GTF2IRD1: variants seen among roughly 807,000 people sequenced by gnomAD.
GTF2IRD1 encodes the protein GTF2I repeat domain containing 1.
In GTF2IRD1, 26 loss-of-function variants were observed where a neutral mutation model predicts 113.2. The observed-to-expected ratio is 0.23, with a 90% confidence interval of 0.17 to 0.32. The LOEUF (loss-of-function observed/expected upper bound fraction) is 0.32. Ranked by LOEUF, GTF2IRD1 falls within the 10% of genes least tolerant of loss-of-function variation. The pLI is 1.00. For missense variants in GTF2IRD1, 864 were observed against 1,280.8 expected (o/e 0.67, Z 4.97); for synonymous variants, 484 against 529.1 (o/e 0.91, Z 1.17).
chr7:74,467,172 C>G (rs1793775147), intron 1 of GTF2IRD1, among the ~76,000 whole-genome samples: 4 of 152,112 alleles, frequency 2.6e-5, no homozygotes, highest in Admixed American at 2.6e-4. Flanking sequence ...TGGTCTCAAA[C>G]TCCTGACCTC....
At chr7:74,550,769 C>T (rs1478027556) in intron 17 of GTF2IRD1, among the ~76,000 whole-genome samples, 4 of 152,050 alleles carry the variant, frequency 2.6e-5, no homozygotes, top group Non-Finnish European at 5.9e-5. Flanking sequence ...ATTCTCACAC[C>T]TGTAATCCCA....
At chr7:74,506,704 C>A in intron 1 of GTF2IRD1, 1 of 152,194 alleles carries the variant, frequency 6.6e-6, no homozygotes, top group Non-Finnish European at 1.5e-5. Flanking sequence ...CCTGTGGGTG[C>A]CCCCTGGGTC....
chr7:74,510,370 G>A (rs112863832), intron 2 of GTF2IRD1, among the ~76,000 whole-genome samples: 10,058 of 150,194 alleles, frequency 0.067, 1,065 homozygotes, highest in African/African-American at 0.23. Context: ...GCAATGGCGC[G>A]ATCTTGGCTC....
At chr7:74,599,049 C>T (rs1306198572) in intron 25 of GTF2IRD1, among the ~76,000 whole-genome samples, 1 of 152,150 alleles carries the variant, frequency 6.6e-6, no homozygotes, top group Non-Finnish European at 1.5e-5. Context: ...AATCCCAGCA[C>T]TTTGGGAGGC....
At chr7:74,599,452 C>T (rs115318278) in intron 25 of GTF2IRD1, among the ~76,000 whole-genome samples, 1,559 of 152,192 alleles carry the variant, frequency 0.01, 25 homozygotes, top group African/African-American at 0.036. Flanking sequence ...TTTATGCATG[C>T]GGTGTTTTTT....
intron 17 of GTF2IRD1, among the ~76,000 whole-genome samples, chr7:74,552,000 G>T (rs587665860): frequency 1.3e-5 from 2 of 152,256 alleles, no homozygotes; most frequent in East Asian, 1.9e-4. Flanking sequence ...AGTCCCTGAG[G>T]CAACAACGTG....
intron 17 of GTF2IRD1, among the ~76,000 whole-genome samples, chr7:74,548,091 A>G (rs1209325746): frequency 1.3e-5 from 2 of 152,120 alleles, no homozygotes; most frequent in Non-Finnish European, 2.9e-5. Context: ...GACAGCACCC[A>G]TGGACATACC....
intron 22 of GTF2IRD1, among the ~76,000 whole-genome samples, chr7:74,576,662 T>G (rs1801092483): frequency 8.5e-6 from 1 of 117,750 alleles, no homozygotes; most frequent in Non-Finnish European, 1.7e-5. Context: ...GACAGAGTCT[T>G]CAGGCTGGAG....
rs570156256 is a variant in GTF2IRD1 at position 74,509,041 on chromosome 7, A to T, written c.123+838A>T. Among the ~76,000 whole-genome samples the T allele has an allele frequency of 2.0e-5, 3 of 152,072 alleles. No individual in the cohort carries two copies. The East Asian group carries it at 5.8e-4, about 29-fold the overall frequency. ...TTCCTCTAGCCTTTTCCTGGGGGGAAGTTCTGTGATGGAAGTGTTAAAAAA... is the reference window on the plus strand; with the variant it reads ...TTCCTCTAGCCTTTTCCTGGGGGGATGTTCTGTGATGGAAGTGTTAAAAAA... On this transcript the variant is annotated intron_variant, in intron 2 of 26. Coordinates refer to ENST00000424337, the MANE Select transcript of GTF2IRD1 (RefSeq NM_005685.4).
chr7:74,572,434 CT>C (rs879950420), intron 22 of GTF2IRD1: 94 of 206,280 alleles, frequency 4.6e-4, no homozygotes, highest in Admixed American at 1.6e-3. Flanking sequence ...GATAAGTCAA[CT>C]TACTATCTCT....
intron 1 of GTF2IRD1, among the ~76,000 whole-genome samples, chr7:74,455,271 C>T (rs1437985393): frequency 9.9e-5 from 15 of 152,162 alleles, no homozygotes; most frequent in Admixed American, 4.6e-4. Flanking sequence ...CTGGGCCTGG[C>T]GGGTGGGAGT....
At chr7:74,557,437 G>A (rs1192699570) in intron 19 of GTF2IRD1, among the ~76,000 whole-genome samples, 2 of 152,170 alleles carry the variant, frequency 1.3e-5, no homozygotes, top group African/African-American at 2.4e-5. Flanking sequence ...ACTCATCACT[G>A]TTGTGGCAAC....
chr7:74,515,165 CAGAG>C (rs1331243348), intron 3 of GTF2IRD1, among the ~76,000 whole-genome samples: 1 of 151,950 alleles, frequency 6.6e-6, no homozygotes, highest in Non-Finnish European at 1.5e-5. Flanking sequence ...GACTGAGGCT[CAGAG>C]AGAGAAGGGA....
intron 22 of GTF2IRD1, among the ~76,000 whole-genome samples, chr7:74,569,259 C>T (rs587624474): frequency 1.3e-5 from 2 of 152,356 alleles, no homozygotes; most frequent in South Asian, 2.1e-4. Context: ...CACGTCCACG[C>T]GTGCCAGACC....
intron 1 of GTF2IRD1, among the ~76,000 whole-genome samples, chr7:74,461,821 T>A (rs184503732): frequency 2.3e-4 from 35 of 152,284 alleles, no homozygotes; most frequent in African/African-American, 7.7e-4. Flanking sequence ...TCAAGTGATC[T>A]GTCCACCTTG....
intron 22 of GTF2IRD1, chr7:74,572,672 C>T (rs587623430): frequency 3.1e-6 from 1 of 322,270 alleles, no homozygotes; most frequent in African/African-American, 2.2e-5. Flanking sequence ...CTCTCTCAGC[C>T]TTCCCCACCC....
chr7:74,571,821 AT>A (rs1455301229), intron 22 of GTF2IRD1, among the ~76,000 whole-genome samples: 1 of 152,036 alleles, frequency 6.6e-6, no homozygotes, highest in African/African-American at 2.4e-5. Context: ...TGATTTTGTC[AT>A]TGTACTCCAG....
intron 22 of GTF2IRD1, among the ~76,000 whole-genome samples, chr7:74,568,222 G>A (rs1206763662): frequency 2.0e-5 from 3 of 151,520 alleles, no homozygotes; most frequent in South Asian, 2.1e-4. Context: ...GAAAGGGAAC[G>A]GAGCTGGGTG....
rs1554344455 is a variant in GTF2IRD1, at chr7:74,515,499, G to A, written c.324G>A (p.Glu108=). 1 of 1,613,078 alleles carries A rather than the reference G, an allele frequency of 6.2e-7. No individual in the cohort carries two copies. The highest frequency in any genetic ancestry group is 2.2e-5 in the East Asian group (1 of 44,870). The change falls in exon 4 of 27, where the codon GAG becomes GAA. Residue 108 remains glutamate (E), a synonymous_variant. Transcript: ENST00000424337. ...AEHPKKVQRG[E]GGGRSLPRSS... ...ACCCCAAGAAGGTGCAGCGGGGCGAGGGTGGAGGCCGTAGCCTCCCTCGGT... is the reference window on the plus strand; with the variant it reads ...ACCCCAAGAAGGTGCAGCGGGGCGAAGGTGGAGGCCGTAGCCTCCCTCGGT...
Sources: allele counts gnomAD v4.1 joint callset (sites outside exome capture counted in the v4.1 genomes callset), GRCh38; gene constraint gnomAD v4.1.1; transcripts MANE v1.5; gene names NCBI Gene and HGNC (gene_info 2026-07-23, HGNC 2026-07-21).